The following KIRREL3 variants were observed in gnomAD, a reference collection of about 807,000 sequenced individuals.
KIRREL3 encodes the protein kin of IRRE-like protein 3.
In KIRREL3, 36 loss-of-function variants were observed where a neutral mutation model predicts 89.7. The observed-to-expected ratio is 0.40, with a 90% CI of 0.31 to 0.53. The LOEUF (loss-of-function observed/expected upper bound fraction) is 0.53. Ranked by LOEUF, KIRREL3 falls within the 20% of genes least tolerant of loss-of-function variation. The pLI, the probability that KIRREL3 is intolerant of heterozygous loss-of-function variation, is 0.49. For missense variants in KIRREL3, 864 were observed against 1,056.6 expected (o/e 0.82, Z 2.53); for synonymous variants, 445 against 441.4 (o/e 1.01, Z -0.10).
chr11:126,914,534 G>A (rs774575273), intron 1 of KIRREL3, among the ~76,000 whole-genome samples: 8 of 152,222 alleles, frequency 5.3e-5, no homozygotes, highest in Non-Finnish European at 8.8e-5. Context: ...AAGAATGGGA[G>A]AATGGGTGAG....
chr11:126,692,071 G>A (rs931168798), intron 1 of KIRREL3, among the ~76,000 whole-genome samples: 3 of 152,186 alleles, frequency 2.0e-5, no homozygotes, highest in Non-Finnish European at 4.4e-5. Flanking sequence ...ACTGTTGGTG[G>A]TGTTGTAAAA....
Position 126,669,504 on chromosome 11 carries a change from G to T in KIRREL3, c.56-106592C>A, listed in dbSNP as rs1945839412. On this transcript the variant is annotated intron_variant, in intron 1 of 16. Coordinates refer to ENST00000525144, the MANE Select transcript of KIRREL3 (RefSeq NM_032531.4). The surrounding 1 kb of genome is among the most constrained non-coding windows in gnomAD (Gnocchi z 5.0). Reference sequence around the variant, plus strand: ...GTATTTAAGGGCTTAATCATGGGCGGTTAGATTTTTAACTTCTGGTTCGGA... The same window carrying T: ...GTATTTAAGGGCTTAATCATGGGCGTTTAGATTTTTAACTTCTGGTTCGGA... Among the ~76,000 whole-genome samples, 1 of 152,200 alleles carries T rather than the reference G, an allele frequency of 6.6e-6. No individual in the cohort carries two copies. Among genetic ancestry groups the T allele is most frequent in the African/African-American group, 2.4e-5 (1 of 41,462 alleles).
chr11:126,853,572 A>C lies in KIRREL3; in HGVS notation c.55+146883T>G, dbSNP rs564816485. ...TATTACTGAAACAATATTTGATGCC[A>C]CAAAAGAAATTGAAATAGGAAAAAC... On this transcript the variant is annotated intron_variant, in intron 1 of 16. Transcript: ENST00000525144. Among the ~76,000 whole-genome samples, 4 of 152,308 alleles carry C rather than the reference A, an allele frequency of 2.6e-5. No homozygotes were observed. The South Asian group carries it at 8.3e-4, about 32-fold the overall frequency.
In KIRREL3 at chr11:126,739,679, A is replaced by C. The variant is rs1329332586; in HGVS notation, c.56-176767T>G. Among the ~76,000 whole-genome samples, 2 of 152,232 alleles carry C rather than the reference A, an allele frequency of 1.3e-5. No individual in the cohort carries two copies. The highest frequency in any genetic ancestry group is 2.4e-5 in the African/African-American group (1 of 41,462). On this transcript the variant is annotated intron_variant, in intron 1 of 16. Transcript: ENST00000525144. The surrounding 1 kb of genome is among the most constrained non-coding windows in gnomAD (Gnocchi z 5.5). ...CAGTTAAGGTATGTGTGGAGGTACTATGCAGGCAAACCAGCCCACAAGGGA... is the reference window on the plus strand; with the variant it reads ...CAGTTAAGGTATGTGTGGAGGTACTCTGCAGGCAAACCAGCCCACAAGGGA...
chr11:126,450,164 T>C (rs564541887), intron 7 of KIRREL3, among the ~76,000 whole-genome samples: 3 of 152,350 alleles, frequency 2.0e-5, no homozygotes. Flanking sequence ...TATGTGGGTG[T>C]ATGTGTATAC....
At chr11:126,998,826 T>C (rs1236719069) in intron 1 of KIRREL3, among the ~76,000 whole-genome samples, 1 of 152,120 alleles carries the variant, frequency 6.6e-6, no homozygotes, top group Non-Finnish European at 1.5e-5. Context: ...TTTGTGTGTT[T>C]ACGGGGGGTT....
At chr11:126,945,519 A>G (rs932460793) in intron 1 of KIRREL3, among the ~76,000 whole-genome samples, 3 of 152,154 alleles carry the variant, frequency 2.0e-5, no homozygotes, top group African/African-American at 7.2e-5. Context: ...CAATTTAGCA[A>G]ATCTTTAGAT....
intron 1 of KIRREL3, among the ~76,000 whole-genome samples, chr11:126,767,981 A>T (rs775763783): frequency 6.6e-6 from 1 of 152,236 alleles, no homozygotes; most frequent in Non-Finnish European, 1.5e-5. Context: ...CCATAGGGTG[A>T]AGTCCAAATA....
At chr11:126,975,938 CCCTT>C (rs1555111869) in intron 1 of KIRREL3, among the ~76,000 whole-genome samples, 1 of 104,300 alleles carries the variant, frequency 9.6e-6, no homozygotes, top group Admixed American at 1.0e-4. Flanking sequence ...CTCCCTCCCT[CCCTT>C]CCTTCCTTCC....
In KIRREL3 at chr11:126,541,527, A is replaced by G. The variant is rs941074356; in HGVS notation, c.134-14840T>C. On this transcript the variant is annotated intron_variant, in intron 2 of 16. Transcript: ENST00000525144. The surrounding 1 kb of genome is among the most constrained non-coding windows in gnomAD (Gnocchi z 4.8). ...CCTAAACATTAAAAAAAGTAAACAA[A>G]ATAATCATTTATGCTGCTATAGCCT... 1.3e-5 allele frequency among the ~76,000 whole-genome samples: 2 copies of G among 152,148 alleles called. No individual in the cohort carries two copies. Among genetic ancestry groups the G allele is most frequent in the Non-Finnish European group, 2.9e-5 (2 of 68,018 alleles).
intron 1 of KIRREL3, among the ~76,000 whole-genome samples, chr11:126,878,231 C>T (rs1431031546): frequency 6.6e-6 from 1 of 152,202 alleles, no homozygotes; most frequent in Non-Finnish European, 1.5e-5. Flanking sequence ...TTAAACTTTA[C>T]TGCAGAGTTA....
At chr11:126,849,934 A>ATTATCTGAGTAAT (rs374086948) in intron 1 of KIRREL3, among the ~76,000 whole-genome samples, 1 of 107,606 alleles carries the variant, frequency 9.3e-6, no homozygotes, top group Non-Finnish European at 2.2e-5. Flanking sequence ...ATCAAAGCTG[A>ATTATCTGAGTAAT]CAACTCCCAA....
In KIRREL3 at chr11:126,561,959, T is replaced by C. The variant is rs1243120383; in HGVS notation, c.133+876A>G. 1.3e-5 allele frequency among the ~76,000 whole-genome samples: 2 copies of C among 151,764 alleles called. No homozygotes were observed. The highest frequency in any genetic ancestry group is 2.4e-5 in the African/African-American group (1 of 41,326). The stretch of plus-strand genomic sequence containing the variant: ...AGAAGCTTCCTCCTTCTTGCTGGAA[T>C]GGGAATGAGGAGACATGGGCCCTGG... On this transcript the variant is annotated intron_variant, in intron 2 of 16. Coordinates refer to ENST00000525144, the MANE Select transcript of KIRREL3 (RefSeq NM_032531.4). The surrounding 1 kb of genome is among the most constrained non-coding windows in gnomAD (Gnocchi z 4.5).
rs1314195873 is a variant in KIRREL3 at position 126,772,535 on chromosome 11, T to C, written c.56-209623A>G. On this transcript the variant is annotated intron_variant, in intron 1 of 16. Transcript: ENST00000525144. The surrounding 1 kb of genome is among the most constrained non-coding windows in gnomAD (Gnocchi z 4.6). ...ATGTGTGTGACATGTGTGTTTCACCTCCGGAGTCAGTCAATGTGGCTCACA... is the reference window on the plus strand; with the variant it reads ...ATGTGTGTGACATGTGTGTTTCACCCCCGGAGTCAGTCAATGTGGCTCACA... Among the ~76,000 whole-genome samples, 1 of 152,176 alleles carries C rather than the reference T, an allele frequency of 6.6e-6. No homozygotes were observed. Among genetic ancestry groups the C allele is most frequent in the Non-Finnish European group, 1.5e-5 (1 of 68,016 alleles).
rs765626065 is a variant in KIRREL3, at chr11:126,708,967, C to T, written c.56-146055G>A. On this transcript the variant is annotated intron_variant, in intron 1 of 16. Transcript: ENST00000525144. This position sits in a 1 kb window ranked among gnomAD's most constrained non-coding sequence, Gnocchi z 5.7. ...TTCTTCTCTATCCCACTATTACTGT[C>T]CTGATCCGTGCTAATCCAACAGTTT... Among the ~76,000 whole-genome samples the T allele has an allele frequency of 1.3e-5, 2 of 152,316 alleles. No homozygotes were observed. The highest frequency in any genetic ancestry group is 6.5e-5 in the Admixed American group (1 of 15,304).
At position 126,576,306 on chromosome 11, in the gene KIRREL3, A is replaced by G. The variant is rs769606656; in HGVS notation, c.56-13394T>C. On this transcript the variant is annotated intron_variant, in intron 1 of 16. Transcript: ENST00000525144. This position sits in a 1 kb window ranked among gnomAD's most constrained non-coding sequence, Gnocchi z 5.4. ...AGGTATGGGTCAGCTTTATGTAGTTAACCTTCCAGTCATTCAGGTTTTTAT... is the reference window on the plus strand; with the variant it reads ...AGGTATGGGTCAGCTTTATGTAGTTGACCTTCCAGTCATTCAGGTTTTTAT... Among the ~76,000 whole-genome samples the G allele has an allele frequency of 6.6e-6, 1 of 152,218 alleles. No individual in the cohort carries two copies. Among genetic ancestry groups the G allele is most frequent in the African/African-American group, 2.4e-5 (1 of 41,450 alleles).
intron 1 of KIRREL3, among the ~76,000 whole-genome samples, chr11:126,869,934 A>T (rs751990197): frequency 2.6e-5 from 4 of 152,138 alleles, no homozygotes; most frequent in Non-Finnish European, 5.9e-5. Flanking sequence ...GTTCACTAGA[A>T]CCTTGTAATG....
intron 4 of KIRREL3, among the ~76,000 whole-genome samples, chr11:126,517,901 T>A (rs1177051705): frequency 6.6e-6 from 1 of 152,224 alleles, no homozygotes; most frequent in Non-Finnish European, 1.5e-5. Flanking sequence ...TCTAATGCTG[T>A]TTCCGTGACG....
chr11:126,593,176 A>C (rs1271431076), intron 1 of KIRREL3, among the ~76,000 whole-genome samples: 1 of 152,176 alleles, frequency 6.6e-6, no homozygotes, highest in Admixed American at 6.5e-5. Context: ...CCCTGTGTGG[A>C]TACAGACCGT....
Sources: gnomAD v4.1 joint callset for allele counts (sites outside exome capture counted in the v4.1 genomes callset) on GRCh38, gnomAD v4.1.1 for gene constraint, Gnocchi (gnomAD v3.1) non-coding constraint, MANE v1.5 for transcripts, NCBI Gene and HGNC (gene_info 2026-07-23, HGNC 2026-07-21) for gene names.